The following TRPM7 variants were observed in gnomAD, a reference collection of about 807,000 sequenced individuals.
TRPM7 encodes the protein LTRPC ion channel family member 7.
TRPM7 carries 134 observed loss-of-function variants against 229.7 expected under a neutral mutation model. The observed-to-expected ratio is 0.58, with a 90% CI of 0.51 to 0.67. The LOEUF (loss-of-function observed/expected upper bound fraction) is 0.67. Among genes scored for constraint, TRPM7 ranks in the 30% least tolerant of loss-of-function variants. The probability of loss-of-function intolerance (pLI) is 0.00; values close to 1 mark genes in which losing one functional copy is unlikely to be tolerated. For missense variants in TRPM7, 1,901 were observed against 2,210.0 expected, an observed-to-expected ratio of 0.86 and a Z score of 2.80; for synonymous variants, 699 against 715.2, an observed-to-expected ratio of 0.98 and a Z score of 0.36.
chr15:50,684,362 C>G (rs931830089), intron 1 of TRPM7, among the ~76,000 whole-genome samples: 1 of 152,072 alleles, frequency 6.6e-6, no homozygotes, highest in Non-Finnish European at 1.5e-5. Context: ...AGAGTAGAAG[C>G]TGGGCAAAGT....
intron 5 of TRPM7, among the ~76,000 whole-genome samples, chr15:50,641,715 G>C (rs2061105658): frequency 6.6e-6 from 1 of 152,120 alleles, no homozygotes; most frequent in South Asian, 2.1e-4. Flanking sequence ...AAAAATAGCT[G>C]CTGGCCAGGT....
intron 7 of TRPM7, 148 bp from the exon 8 acceptor site, chr15:50,634,704 T>C: frequency 3.6e-6 from 2 of 552,834 alleles, no homozygotes; most frequent in Non-Finnish European, 2.9e-6. Flanking sequence ...TAAGACTATG[T>C]TGACTTGACT....
chr15:50,682,889 C>T (rs145169714), intron 1 of TRPM7, among the ~76,000 whole-genome samples: 67 of 150,214 alleles, frequency 4.5e-4, no homozygotes, highest in African/African-American at 1.5e-3. Flanking sequence ...TTTTGCTTCC[C>T]GGTACCAAAC....
At position 50,559,658 on chromosome 15, in the gene TRPM7, C is replaced by G. The variant is rs941409930; in HGVS notation, c.*2020G>C. The G allele has an allele frequency of 2.0e-5, 3 of 152,102 alleles. No individual in the cohort carries two copies. Among genetic ancestry groups the G allele is most frequent in the African/African-American group, 7.2e-5 (3 of 41,418 alleles). 9.4% of individuals were successfully genotyped at this position (152,102 alleles called of 1,614,324 possible). A position where few individuals can be genotyped will look rare whatever the true frequency, so the allele number is the denominator to read the frequency against. ...TCTAGCACCTTGACTTTCAAATCTG[C>G]AAAACAGGATAATAACACCTATTTC... On this transcript the variant is annotated 3_prime_UTR_variant, in exon 39 of 39. Coordinates refer to ENST00000646667, the MANE Select transcript of TRPM7 (RefSeq NM_017672.6).
At chr15:50,590,029 TG>T (rs1440606259) in intron 26 of TRPM7, among the ~76,000 whole-genome samples, 1 of 152,086 alleles carries the variant, frequency 6.6e-6, no homozygotes, top group Admixed American at 6.6e-5. Context: ...GACTAATTTT[TG>T]TATTTTTAGT....
rs150349638 is a variant in TRPM7 at position 50,665,331 on chromosome 15, T to C, written c.4-2285A>G. 2.6e-3 allele frequency among the ~76,000 whole-genome samples: 399 copies of C among 151,326 alleles called. 1 individual carries two copies. The highest frequency in any genetic ancestry group is 9.3e-3 in the African/African-American group (382 of 41,258). On this transcript the variant is annotated intron_variant, in intron 1 of 38. Coordinates refer to ENST00000646667, the MANE Select transcript of TRPM7 (RefSeq NM_017672.6). ...ACTGCTTGAACCCGGGAGGCAGAGATTGCAGTGAGCCAAGATCATGCCACT... is the reference window on the plus strand; with the variant it reads ...ACTGCTTGAACCCGGGAGGCAGAGACTGCAGTGAGCCAAGATCATGCCACT...
intron 1 of TRPM7, 142 bp from the exon 2 acceptor site, chr15:50,663,188 G>A: frequency 1.6e-6 from 1 of 632,506 alleles, no homozygotes; most frequent in Non-Finnish European, 2.7e-6. Flanking sequence ...GAGAGCAATG[G>A]TGTGATCTTG....
intron 3 of TRPM7, among the ~76,000 whole-genome samples, chr15:50,651,123 G>T (rs1346788309): frequency 6.6e-6 from 1 of 152,078 alleles, no homozygotes; most frequent in Non-Finnish European, 1.5e-5. Flanking sequence ...GGAGGCAGAG[G>T]TTGCAGTCAA....
intron 4 of TRPM7, among the ~76,000 whole-genome samples, chr15:50,647,192 G>A (rs149178811): frequency 0.031 from 4,691 of 152,112 alleles, 251 homozygotes; most frequent in African/African-American, 0.11. Flanking sequence ...GTGCAGTGGC[G>A]CGATCTCGGT....
intron 31 of TRPM7, among the ~76,000 whole-genome samples, chr15:50,577,632 A>G (rs1596079935): frequency 6.6e-6 from 1 of 152,284 alleles, no homozygotes; most frequent in East Asian, 1.9e-4. Context: ...AACTGGTATA[A>G]CCACTCTGAA....
intron 3 of TRPM7, among the ~76,000 whole-genome samples, chr15:50,652,939 A>C (rs2061465794): frequency 6.6e-6 from 1 of 152,190 alleles, no homozygotes; most frequent in South Asian, 2.1e-4. Flanking sequence ...AAGTGGAAGG[A>C]TCACTTGAGC....
At chr15:50,663,877 C>A (rs555841798) in intron 1 of TRPM7, among the ~76,000 whole-genome samples, 1 of 152,064 alleles carries the variant, frequency 6.6e-6, no homozygotes, top group African/African-American at 2.4e-5. Flanking sequence ...GCAGGAGGAT[C>A]GCCTAAGCCG....
At position 50,612,655 on chromosome 15, in the gene TRPM7, T is replaced by C. The variant is rs757469480; in HGVS notation, c.1945A>G (p.Met649Val). ...RFLWQHGEES[M>V]AKALVACKIY... is the part of the protein sequence containing the mutation. The stretch of plus-strand genomic sequence containing the variant: ...TTACAGGCAACTAATGCTTTAGCCA[T>C]TGATTCTTCACCATGTTGCCATAAA... Residue 649 changes from methionine (M) to valine (V), a missense_variant, in exon 16 of 39, where the codon ATG becomes GTG. Physicochemically the swap from Met to Val is conservative, Grantham distance 21. Around this residue, in one of 8 missense-constraint regions of TRPM7, gnomAD observed 794 missense variants for 881.9 expected, o/e 0.90. Transcript: ENST00000646667. The C allele has an allele frequency of 1.2e-6, 2 of 1,614,212 alleles. No homozygotes were observed. Among genetic ancestry groups the C allele is most frequent in the Admixed American group, 1.7e-5 (1 of 60,030 alleles).
At position 50,649,062 on chromosome 15, in the gene TRPM7, C is replaced by G. The variant is rs148462116; in HGVS notation, c.123-177G>C. Reference sequence around the variant, plus strand: ...ATATATTAATACCTTCATCATAGCACTGAAATAGTATAATTAGTCTAAGAT... The same window carrying G: ...ATATATTAATACCTTCATCATAGCAGTGAAATAGTATAATTAGTCTAAGAT... On this transcript the variant is annotated intron_variant, in intron 3 of 38. Coordinates refer to ENST00000646667, the MANE Select transcript of TRPM7 (RefSeq NM_017672.6). 6.9e-3 allele frequency among the ~76,000 whole-genome samples: 1,050 copies of G among 152,012 alleles called. 8 individuals are homozygous for G. The highest frequency in any genetic ancestry group is 8.4e-3 in the Non-Finnish European group (568 of 67,996).
rs937304773 is a variant in TRPM7 at position 50,559,578 on chromosome 15, C to T, written c.*2100G>A. On this transcript the variant is annotated 3_prime_UTR_variant, in exon 39 of 39. Coordinates refer to ENST00000646667, the MANE Select transcript of TRPM7 (RefSeq NM_017672.6). ...CAGCCAGCCTGGGTTCAAATCCTAC[C>T]GTTGCTACTTATTATTAAATAAACG... The T allele has an allele frequency of 6.6e-5, 10 of 151,946 alleles. No homozygotes were observed. Among genetic ancestry groups the T allele is most frequent in the African/African-American group, 2.2e-4 (9 of 41,352 alleles). The allele number at this position is 151,946 out of a possible 1,614,324, so 9.4% of individuals were successfully genotyped here.
intron 20 of TRPM7, among the ~76,000 whole-genome samples, chr15:50,605,909 A>G (rs1341515910): frequency 6.6e-6 from 1 of 152,196 alleles, no homozygotes; most frequent in Non-Finnish European, 1.5e-5. Context: ...GCTATCTAAT[A>G]AGAAATTCCT....
At chr15:50,580,853 G>C (rs1385095834) in intron 30 of TRPM7, 21 bp downstream of exon 30, 1 of 1,576,818 alleles carries the variant, frequency 6.3e-7, no homozygotes, top group South Asian at 1.2e-5. Flanking sequence ...GCAAGCTAAT[G>C]GTAAGAAAAA....
At chr15:50,671,796 C>T (rs7165257) in intron 1 of TRPM7, among the ~76,000 whole-genome samples, 1 of 151,682 alleles carries the variant, frequency 6.6e-6, no homozygotes, top group African/African-American at 2.4e-5. Context: ...GGTGAGAGAA[C>T]TTGTCTCGAA....
chr15:50,572,240 TGA>T (rs751291626), intron 36 of TRPM7, among the ~76,000 whole-genome samples: 1 of 152,158 alleles, frequency 6.6e-6, no homozygotes, highest in Non-Finnish European at 1.5e-5. Context: ...GAGTTGTGAT[TGA>T]GCTACTGCAC....
Sources: gnomAD v4.1 joint callset for allele counts (sites outside exome capture counted in the v4.1 genomes callset) on GRCh38, gnomAD v4.1.1 for gene constraint, gnomAD v4.1.1 regional missense constraint, MANE v1.5 for transcripts, NCBI Gene and HGNC (gene_info 2026-07-23, HGNC 2026-07-21) for gene names.